Variants in SHISA9 observed in about 807,000 individuals in gnomAD.
The protein encoded by SHISA9 is shisa family member 9, also known as protein shisa-9.
In SHISA9, 13 loss-of-function variants were observed where a neutral mutation model predicts 38.0. The ratio of observed to expected loss-of-function variants is 0.34; its 90% confidence interval spans 0.22 to 0.54. SHISA9 has a LOEUF of 0.54. Among genes scored for constraint, SHISA9 ranks in the 20% least tolerant of loss-of-function variants. SHISA9 has a pLI of 0.91. For missense variants in SHISA9, 538 were observed against 575.8 expected (o/e 0.93, Z 0.67); for synonymous variants, 275 against 242.0 (o/e 1.14, Z -1.27).
chr16:12,906,552 A>T (rs1226519717), intron 1 of SHISA9, among the ~76,000 whole-genome samples: 1 of 152,212 alleles, frequency 6.6e-6, no homozygotes, highest in African/African-American at 2.4e-5. Context: ...TATTTATTAG[A>T]ATAAATGACT....
At chr16:13,101,722 G>T (rs1002029108) in intron 2 of SHISA9, among the ~76,000 whole-genome samples, 1 of 152,158 alleles carries the variant, frequency 6.6e-6, no homozygotes, top group African/African-American at 2.4e-5. Context: ...CATAGTAGCT[G>T]TACTAATTTC....
intron 2 of SHISA9, among the ~76,000 whole-genome samples, chr16:13,159,138 A>G (rs1323890872): frequency 2.0e-5 from 3 of 152,172 alleles, no homozygotes; most frequent in Non-Finnish European, 2.9e-5. Context: ...AAACGAAACT[A>G]AACTGTCAAC....
At chr16:13,046,953 C>A (rs117251502) in intron 2 of SHISA9, among the ~76,000 whole-genome samples, 32 of 152,244 alleles carry the variant, frequency 2.1e-4, no homozygotes, top group African/African-American at 7.7e-4. Flanking sequence ...GTGGCTCTTA[C>A]CCCCTGTGTG....
intron 2 of SHISA9, among the ~76,000 whole-genome samples, chr16:13,146,758 C>T (rs2050450819): frequency 6.6e-6 from 1 of 152,094 alleles, no homozygotes; most frequent in Non-Finnish European, 1.5e-5. Context: ...CCCAGATGTG[C>T]CTAATCCTGA....
chr16:12,924,268 G>A (rs184045565), intron 2 of SHISA9, among the ~76,000 whole-genome samples: 59 of 152,290 alleles, frequency 3.9e-4, no homozygotes, highest in African/African-American at 1.4e-3. Flanking sequence ...GGGGTGGGCA[G>A]GGATGCATTT....
At chr16:13,284,172 TG>T in the SHISA9 span, among the ~76,000 whole-genome samples, 2 of 152,214 alleles carry the variant, frequency 1.3e-5, no homozygotes, top group African/African-American at 4.8e-5. Context: ...TCCTGTTTTC[TG>T]CATCACACTG....
At chr16:13,537,338 G>A in the SHISA9 span, among the ~76,000 whole-genome samples, 1 of 151,396 alleles carries the variant, frequency 6.6e-6, no homozygotes, top group African/African-American at 2.4e-5. Flanking sequence ...TGAGGCAGAA[G>A]AATCACTTAA....
chr16:13,405,812 T>C, the SHISA9 span, among the ~76,000 whole-genome samples: 1 of 152,134 alleles, frequency 6.6e-6, no homozygotes. Context: ...TTTTATTCTT[T>C]TTTATGGCTG....
the SHISA9 span, among the ~76,000 whole-genome samples, chr16:13,357,484 G>A: frequency 5.3e-5 from 8 of 152,290 alleles, no homozygotes; most frequent in East Asian, 1.9e-4. Context: ...ACTTGAGGTC[G>A]TAGGTGGATC....
At chr16:13,184,509 T>G (rs1350894302) in intron 2 of SHISA9, among the ~76,000 whole-genome samples, 2 of 152,228 alleles carry the variant, frequency 1.3e-5, no homozygotes, top group African/African-American at 4.8e-5. Context: ...TTCATTCTTT[T>G]GGGGATGGTT....
chr16:13,456,543 CCAGT>C, the SHISA9 span, among the ~76,000 whole-genome samples: 45 of 152,196 alleles, frequency 3.0e-4, no homozygotes, highest in Admixed American at 5.2e-4. Context: ...AAAGTGAGGT[CCAGT>C]CTTTGCCCTT....
the SHISA9 span, among the ~76,000 whole-genome samples, chr16:13,413,234 A>G: frequency 6.6e-6 from 1 of 152,226 alleles, no homozygotes. Flanking sequence ...AAATTCTATG[A>G]TCAAATATCA....
At chr16:13,130,003 A>G (rs1391150854) in intron 2 of SHISA9, among the ~76,000 whole-genome samples, 2 of 152,184 alleles carry the variant, frequency 1.3e-5, no homozygotes, top group African/African-American at 2.4e-5. Context: ...AGTAGCAGTC[A>G]TTGTAATGCT....
chr16:13,256,861 G>A, the SHISA9 span, among the ~76,000 whole-genome samples: 1 of 152,158 alleles, frequency 6.6e-6, no homozygotes, highest in African/African-American at 2.4e-5. Flanking sequence ...CGTTCCTTTG[G>A]TGAGGAATGT....
the SHISA9 span, among the ~76,000 whole-genome samples, chr16:13,251,948 T>G: frequency 2.6e-4 from 40 of 152,134 alleles, no homozygotes; most frequent in African/African-American, 9.2e-4. Flanking sequence ...CAGCGAGAAC[T>G]GAGTTCAAAT....
chr16:13,246,099 A>T, the SHISA9 span, among the ~76,000 whole-genome samples: 1 of 152,112 alleles, frequency 6.6e-6, no homozygotes, highest in East Asian at 1.9e-4. Context: ...CACCACATAA[A>T]ACCAAAATAA....
chr16:13,437,076 G>T, the SHISA9 span, among the ~76,000 whole-genome samples: 1 of 152,018 alleles, frequency 6.6e-6, no homozygotes, highest in Non-Finnish European at 1.5e-5. Context: ...CCTCCCACCG[G>T]GTCCCTCCCA....
At chr16:13,271,943 G>A in the SHISA9 span, among the ~76,000 whole-genome samples, 1 of 152,064 alleles carries the variant, frequency 6.6e-6, no homozygotes, top group African/African-American at 2.4e-5. Flanking sequence ...GCCGGGCATG[G>A]TAGCAGGCAC....
intron 2 of SHISA9, among the ~76,000 whole-genome samples, chr16:13,070,580 A>G (rs1421218734): frequency 2.0e-5 from 3 of 152,154 alleles, no homozygotes; most frequent in Admixed American, 6.5e-5. Flanking sequence ...AGAGTTGCAG[A>G]ACTAGGCCAC....
Sources: allele counts gnomAD v4.1 joint callset (sites outside exome capture counted in the v4.1 genomes callset), GRCh38; gene constraint gnomAD v4.1.1; transcripts MANE v1.5; gene names NCBI Gene and HGNC (gene_info 2026-07-23, HGNC 2026-07-21).